The following NLRP5 variants were observed in gnomAD, a reference collection of about 807,000 sequenced individuals.
The protein encoded by NLRP5 is NACHT, LRR and PYD domains-containing protein 5.
A neutral mutation model predicts 113.1 loss-of-function variants in NLRP5; 93 were observed. The observed-to-expected ratio is 0.82, with a 90% CI of 0.70 to 0.98. NLRP5 has a LOEUF of 0.98. NLRP5 is among the 50% of genes least tolerant of loss of function. NLRP5 has a pLI of 0.00. For synonymous variants in NLRP5, 751 were observed against 600.7 expected, an observed-to-expected ratio of 1.25 and a Z score of -3.66; for missense variants, 1,808 against 1,514.3, an observed-to-expected ratio of 1.19 and a Z score of -3.22.
chr19:56,009,339 C>CAAAAAAAAAAAAAAA lies in NLRP5; in HGVS notation c.508+492_508+506dup, dbSNP rs71296979. Among the ~76,000 whole-genome samples, 93 of 44,316 alleles carry CAAAAAAAAAAAAAAA rather than the reference C, an allele frequency of 2.1e-3. 11 individuals carry two copies. Among genetic ancestry groups the CAAAAAAAAAAAAAAA allele is most frequent in the African/African-American group, 6.7e-3 (77 of 11,532 alleles). 29.1% of individuals were successfully genotyped at this position (44,316 alleles called of 152,430 possible). A position where few individuals can be genotyped will look rare whatever the true frequency, so the allele number is the denominator to read the frequency against. ...TGGGCGACAGAACGAGACTCCATCT[C>CAAAAAAAAAAAAAAA]AAAAAAAAAAAAAAAAAAAAGAGTT... On this transcript the variant is annotated intron_variant, in intron 3 of 14. Coordinates refer to ENST00000390649, the MANE Select transcript of NLRP5 (RefSeq NM_153447.4).
At chr19:56,015,090 C>T (rs56145962) in intron 3 of NLRP5, among the ~76,000 whole-genome samples, 8,350 of 152,120 alleles carry the variant, frequency 0.055, 334 homozygotes, top group Non-Finnish European at 0.078. Context: ...TTTTTGGTTA[C>T]GTTTGTGGCT....
chr19:56,058,120 T>C, intron 13 of NLRP5, 120 bp from the exon 14 acceptor site: 1 of 801,874 alleles, frequency 1.2e-6, no homozygotes, highest in Admixed American at 2.9e-5. Context: ...TCATTTTTTG[T>C]TTGTTTTTGT....
Position 56,023,529 on chromosome 19 carries a change from G to A in NLRP5, c.679+3098G>A, listed in dbSNP as rs144473292. 2.3e-3 allele frequency among the ~76,000 whole-genome samples: 346 copies of A among 152,308 alleles called. 1 individual carries two copies. Among genetic ancestry groups the A allele is most frequent in the African/African-American group, 7.9e-3 (327 of 41,578 alleles). On this transcript the variant is annotated intron_variant, in intron 6 of 14. Coordinates refer to ENST00000390649, the MANE Select transcript of NLRP5 (RefSeq NM_153447.4). Reference sequence around the variant, plus strand: ...GAATTTGCTACATGCTGAGCGGTGCGTTGAGTCCACACAAATTGAAGCGAT... The same window carrying A: ...GAATTTGCTACATGCTGAGCGGTGCATTGAGTCCACACAAATTGAAGCGAT...
At chr19:55,997,199 G>C (rs902806036), upstream of NLRP5, among the ~76,000 whole-genome samples, 1 of 151,736 alleles carries the variant, frequency 6.6e-6, no homozygotes, top group Non-Finnish European at 1.5e-5. Flanking sequence ...TTTTTTTCTT[G>C]TAAATGTTGA....
At chr19:56,018,834 T>G (rs1489751093) in intron 4 of NLRP5, 1 of 153,776 alleles carries the variant, frequency 6.5e-6, no homozygotes, top group African/African-American at 2.4e-5. Context: ...ATTCTTATTA[T>G]TATTTTTGGA....
At chr19:56,049,166 A>ATATTTATT (rs3974178) in intron 11 of NLRP5, among the ~76,000 whole-genome samples, 5,494 of 139,428 alleles carry the variant, frequency 0.039, 131 homozygotes, top group Middle Eastern at 0.054. Flanking sequence ...TTTATTTTTT[A>ATATTTATT]TATTTATTTA....
At chr19:56,031,284 G>C (rs1447292514) in intron 7 of NLRP5, among the ~76,000 whole-genome samples, 1 of 152,008 alleles carries the variant, frequency 6.6e-6, no homozygotes, top group Non-Finnish European at 1.5e-5. Context: ...CTGCTCCCCA[G>C]GCCCCCGGCA....
rs1187420273 is a variant in NLRP5 at position 56,002,740 on chromosome 19, T to A, written c.63-976T>A. Among the ~76,000 whole-genome samples the A allele has an allele frequency of 1.7e-3, 254 of 149,590 alleles. 1 individual carries two copies. The highest frequency in any genetic ancestry group is 6.2e-3 in the African/African-American group (245 of 39,812). On this transcript the variant is annotated intron_variant, in intron 1 of 14. Coordinates refer to ENST00000390649, the MANE Select transcript of NLRP5 (RefSeq NM_153447.4). ...GTTTGGCTTTTTGTCCTTGCGATAGTTTGCTGAGAATGATGGTTTCCAGTT... is the reference window on the plus strand; with the variant it reads ...GTTTGGCTTTTTGTCCTTGCGATAGATTGCTGAGAATGATGGTTTCCAGTT...
the NLRP5 span, among the ~76,000 whole-genome samples, chr19:55,989,656 C>G: frequency 6.6e-6 from 1 of 152,128 alleles, no homozygotes; most frequent in Non-Finnish European, 1.5e-5. Flanking sequence ...TGCTCATCAC[C>G]CAAAGACATT....
chr19:56,004,146 G>T lies in NLRP5; in HGVS notation c.442+51G>T, dbSNP rs372796842. ...GGGCAGGGAGGGGAGGTGATTTCAG[G>T]TTCTCATGGGAACAGGGAAGAATCG... On this transcript the variant is annotated intron_variant, in intron 2 of 14. Transcript: ENST00000390649. 69 of 1,537,844 alleles carry T rather than the reference G, an allele frequency of 4.5e-5. No homozygotes were observed. In the African/African-American group the frequency reaches 9.1e-4, roughly 20 times the overall value.
chr19:56,020,261 A>G (rs1221456297), intron 5 of NLRP5, 114 bp from the exon 6 acceptor site: 4 of 1,221,014 alleles, frequency 3.3e-6, no homozygotes, highest in African/African-American at 1.5e-5. Context: ...GGTGGTTGTC[A>G]TGTTTTCAAC....
chr19:56,005,468 C>CGCAGGTGGCATGCCTATACACACATAT (rs1981855517), intron 2 of NLRP5, among the ~76,000 whole-genome samples: 1 of 140,740 alleles, frequency 7.1e-6, no homozygotes, highest in Non-Finnish European at 1.5e-5. Flanking sequence ...TACACACACA[C>CGCAGGTGGCATGCCTATACACACATAT]ATATTTATAC....
intron 3 of NLRP5, among the ~76,000 whole-genome samples, chr19:56,013,015 T>A (rs560019551): frequency 6.6e-6 from 1 of 152,192 alleles, no homozygotes; most frequent in African/African-American, 2.4e-5. Flanking sequence ...TTCAGGAAAT[T>A]TTCATCACCC....
intron 12 of NLRP5, among the ~76,000 whole-genome samples, chr19:56,052,279 T>C (rs1599911064): frequency 1.3e-5 from 2 of 151,406 alleles, no homozygotes; most frequent in African/African-American, 2.4e-5. Flanking sequence ...GTTTCTGTTT[T>C]TGTTTTGAGA....
chr19:55,990,079 CTTTTTTTTTTTTTTTTTTT>C, the NLRP5 span, among the ~76,000 whole-genome samples: 1 of 95,958 alleles, frequency 1.0e-5, no homozygotes, highest in Non-Finnish European at 2.0e-5. Context: ...TTTCTTTTTT[CTTTTTTTTTTTTTTTTTTT>C]TTTTTTTTTG....
At chr19:56,040,154 C>T (rs780958628) in intron 10 of NLRP5, among the ~76,000 whole-genome samples, 2 of 152,076 alleles carry the variant, frequency 1.3e-5, no homozygotes, top group Non-Finnish European at 2.9e-5. Flanking sequence ...GCTATGTTGC[C>T]CAGGCTGGTC....
chr19:55,992,386 C>T, the NLRP5 span, among the ~76,000 whole-genome samples: 2 of 152,286 alleles, frequency 1.3e-5, no homozygotes, highest in South Asian at 2.1e-4. Flanking sequence ...TGTATATACC[C>T]AGTGATGGGA....
intron 2 of NLRP5, among the ~76,000 whole-genome samples, chr19:56,006,553 G>A (rs1981920903): frequency 6.6e-6 from 1 of 151,790 alleles, no homozygotes; most frequent in Non-Finnish European, 1.5e-5. Context: ...CCAACATGGT[G>A]AAACACTGTC....
At chr19:56,060,675 A>G (rs1210484946) in intron 14 of NLRP5, among the ~76,000 whole-genome samples, 1 of 152,126 alleles carries the variant, frequency 6.6e-6, no homozygotes, top group African/African-American at 2.4e-5. Flanking sequence ...GTTGTAAGGA[A>G]CAGATGCCTT....
Sources: allele counts gnomAD v4.1 joint callset (sites outside exome capture counted in the v4.1 genomes callset), GRCh38; gene constraint gnomAD v4.1.1; transcripts MANE v1.5; gene names NCBI Gene and HGNC (gene_info 2026-07-23, HGNC 2026-07-21).